Variants in TMEM201 observed in about 807,000 individuals in gnomAD.
TMEM201 encodes the protein transmembrane protein 201, also known as RP13-15M17.2.
TMEM201 carries 26 observed loss-of-function variants against 63.4 expected under a neutral mutation model. The observed-to-expected ratio is 0.41, with a 90% CI of 0.30 to 0.57. The LOEUF is 0.57. TMEM201 is among the 20% of genes least tolerant of loss of function. TMEM201 has a pLI of 0.29. For missense variants in TMEM201, 794 were observed against 917.7 expected, an observed-to-expected ratio of 0.87 and a Z score of 1.74; for synonymous variants, 417 against 421.6, an observed-to-expected ratio of 0.99 and a Z score of 0.14.
At chr1:9,591,145 C>T (rs1643911459) in intron 1 of TMEM201, among the ~76,000 whole-genome samples, 1 of 152,246 alleles carries the variant, frequency 6.6e-6, no homozygotes, top group Admixed American at 6.5e-5. Flanking sequence ...CTGGCTTCCC[C>T]ACGCATGGAG....
In TMEM201 at chr1:9,610,652, C is replaced by A; in HGVS notation, c.1612C>A (p.Gln538Lys). Reference sequence around the variant, plus strand: ...CCCTGCCCGGCTCAACCTGAAGGGACAGAAGCTGCTGCTGTTCCCGTCACC... The same window carrying A: ...CCCTGCCCGGCTCAACCTGAAGGGAAAGAAGCTGCTGCTGTTCCCGTCACC... ...ISPARLNLKG[Q>K]KLLLFPSPPG... The change falls in exon 9 of 11, where the codon CAG becomes AAG. Residue 538 changes from glutamine to lysine, a missense_variant. Transcript: ENST00000340381. The surrounding 1 kb of genome is among the most constrained non-coding windows in gnomAD (Gnocchi z 4.9). 1 of 1,550,676 alleles carries A rather than the reference C, an allele frequency of 6.4e-7. No homozygotes were observed. The highest frequency in any genetic ancestry group is 8.7e-7 in the Non-Finnish European group (1 of 1,146,914).
At chr1:9,609,792 C>A in intron 7 of TMEM201, 48 bp from the exon 8 acceptor site, 1 of 1,526,540 alleles carries the variant, frequency 6.6e-7, no homozygotes. Flanking sequence ...GGGGCCTCTG[C>A]ACGTCATCCA....
At chr1:9,595,066 G>A (rs1643992052) in intron 1 of TMEM201, among the ~76,000 whole-genome samples, 1 of 152,216 alleles carries the variant, frequency 6.6e-6, no homozygotes, top group Non-Finnish European at 1.5e-5. Context: ...TCCCACAGCT[G>A]CTGCCTGTCA....
In TMEM201 at chr1:9,604,983, TTTTC is replaced by T. The variant is rs1322758049; in HGVS notation, c.1161-2565_1161-2562del. ...CGTCAGGTGCCGCGTCTTTCTTCTT[TTTTC>T]TTTCTTTCAGAAGGGCTCTGTGCCA... is the stretch of plus-strand genomic sequence containing the variant. On this transcript the variant is annotated intron_variant, in intron 6 of 10. Transcript: ENST00000340381. The surrounding 1 kb of genome is among the most constrained non-coding windows in gnomAD (Gnocchi z 4.1). 4 of 985,606 alleles carry T rather than the reference TTTTC, an allele frequency of 4.1e-6. No homozygotes were observed. Among genetic ancestry groups the T allele is most frequent in the African/African-American group, 1.7e-5 (1 of 57,238 alleles). 61.1% of individuals were successfully genotyped at this position (985,606 alleles called of 1,614,324 possible).
At chr1:9,595,869 C>A in intron 1 of TMEM201, 21 bp from the exon 2 acceptor site, 3 of 1,612,116 alleles carry the variant, frequency 1.9e-6, no homozygotes, top group Non-Finnish European at 1.7e-6. Context: ...CAGGCCAACC[C>A]GCTCTTTCCT....
rs1644363804 is a variant in TMEM201 at position 9,614,436 on chromosome 1, C to G, written c.*1353C>G. On this transcript the variant is annotated 3_prime_UTR_variant, in exon 11 of 11. Coordinates refer to ENST00000340381, the MANE Select transcript of TMEM201 (RefSeq NM_001130924.3). ...AAGGAGCTTGCTCTGACGTCACCCT[C>G]CTCTCCCCTGACTCCTGTCCTGAGA... 1 of 151,764 alleles carries G rather than the reference C, an allele frequency of 6.6e-6. No homozygotes were observed. 9.4% of individuals were successfully genotyped at this position (151,764 alleles called of 1,614,324 possible). A position where few individuals can be genotyped will look rare whatever the true frequency, so the allele number is the denominator to read the frequency against.
chr1:9,608,428 T>G lies in TMEM201; in HGVS notation c.1393+639T>G, dbSNP rs906422167. On this transcript the variant is annotated intron_variant, in intron 7 of 10. Coordinates refer to ENST00000340381, the MANE Select transcript of TMEM201 (RefSeq NM_001130924.3). This position sits in a 1 kb window ranked among gnomAD's most constrained non-coding sequence, Gnocchi z 4.3. Reference sequence around the variant, plus strand: ...ACTCTAGTTATTCTAGGGGAGGAGATGCTGATAACAGCCAAGGCCCCTCTC... The same window carrying G: ...ACTCTAGTTATTCTAGGGGAGGAGAGGCTGATAACAGCCAAGGCCCCTCTC... Among the ~76,000 whole-genome samples, 2 of 152,192 alleles carry G rather than the reference T, an allele frequency of 1.3e-5. No individual in the cohort carries two copies. The highest frequency in any genetic ancestry group is 4.8e-5 in the African/African-American group (2 of 41,450).
intron 1 of TMEM201, among the ~76,000 whole-genome samples, chr1:9,589,313 G>T (rs1643881797): frequency 6.6e-6 from 1 of 152,136 alleles, no homozygotes. Flanking sequence ...GGGAGCCGCG[G>T]GGGGCTGGAG....
At chr1:9,591,256 C>T (rs992459752) in intron 1 of TMEM201, among the ~76,000 whole-genome samples, 6 of 152,252 alleles carry the variant, frequency 3.9e-5, no homozygotes, top group African/African-American at 1.4e-4. Flanking sequence ...CTACTGTTCT[C>T]CCATTTTACA....
Position 9,612,971 on chromosome 1 carries a change from G to A in TMEM201, c.1904-15G>A, listed in dbSNP as rs1162183039. The A allele has an allele frequency of 1.3e-6, 2 of 1,551,358 alleles. No homozygotes were observed. Among genetic ancestry groups the A allele is most frequent in the Admixed American group, 2.0e-5 (1 of 51,002 alleles). On this transcript the variant is annotated splice_polypyrimidine_tract_variant and intron_variant, in intron 10 of 10. Transcript: ENST00000340381. ...CCCACCCAAACAATGTTCTGACCAG[G>A]TCTCTGCTTTGCAGGTCGTTTCGGC...
At position 9,600,192 on chromosome 1, in the gene TMEM201, T is replaced by G. The variant is rs928622168; in HGVS notation, c.607-913T>G. On this transcript the variant is annotated intron_variant, in intron 4 of 10. Coordinates refer to ENST00000340381, the MANE Select transcript of TMEM201 (RefSeq NM_001130924.3). Reference sequence around the variant, plus strand: ...TCCTTGTAGGGGTAGATTTTACTACTTAACCTCCTTGCTACCATACCAGAT... The same window carrying G: ...TCCTTGTAGGGGTAGATTTTACTACGTAACCTCCTTGCTACCATACCAGAT... 4.6e-5 allele frequency among the ~76,000 whole-genome samples: 7 copies of G among 152,326 alleles called. 1 individual carries two copies. The East Asian group carries it at 1.4e-3, about 29-fold the overall frequency.
chr1:9,595,816 G>C, intron 1 of TMEM201, 74 bp from the exon 2 acceptor site: 1 of 1,597,204 alleles, frequency 6.3e-7, no homozygotes, highest in Non-Finnish European at 8.5e-7. Context: ...GTGGCCCTGG[G>C]GCAGGGCATG....
In TMEM201 at chr1:9,603,592, G is replaced by A. The variant is rs552885011; in HGVS notation, c.1160+1320G>A. The A allele has an allele frequency of 1.3e-5, 13 of 985,490 alleles. No homozygotes were observed. Among genetic ancestry groups the A allele is most frequent in the South Asian group, 4.7e-5 (1 of 21,284 alleles). The allele number at this position is 985,490 out of a possible 1,614,324, so 61.0% of individuals were successfully genotyped here. On this transcript the variant is annotated intron_variant, in intron 6 of 10. Transcript: ENST00000340381. The surrounding 1 kb of genome is among the most constrained non-coding windows in gnomAD (Gnocchi z 4.5). Reference sequence around the variant, plus strand: ...CCTCTCTCCTGTGCGTTGGAACCCCGGGGGAGGCAAGAGCAGATCACAGGT... The same window carrying A: ...CCTCTCTCCTGTGCGTTGGAACCCCAGGGGAGGCAAGAGCAGATCACAGGT...
chr1:9,594,704 C>T (rs768867200), intron 1 of TMEM201, among the ~76,000 whole-genome samples: 9 of 152,190 alleles, frequency 5.9e-5, no homozygotes, highest in Admixed American at 2.0e-4. Flanking sequence ...CTGGCCAGCC[C>T]GATGGGTTAG....
chr1:9,601,898 C>A (rs559301193), intron 5 of TMEM201, among the ~76,000 whole-genome samples, 171 bp from the exon 6 acceptor site: 3 of 152,308 alleles, frequency 2.0e-5, no homozygotes, highest in African/African-American at 7.2e-5. Flanking sequence ...CACTGACCCA[C>A]CTGCTCAGAG....
Position 9,610,949 on chromosome 1 carries a change from C to T in TMEM201, c.1765+144C>T. 2 of 1,509,490 alleles carry T rather than the reference C, an allele frequency of 1.3e-6. No homozygotes were observed. Among genetic ancestry groups the T allele is most frequent in the Admixed American group, 4.0e-5 (2 of 50,628 alleles). 93.5% of individuals were successfully genotyped at this position (1,509,490 alleles called of 1,614,324 possible). A position where few individuals can be genotyped will look rare whatever the true frequency, so the allele number is the denominator to read the frequency against. On this transcript the variant is annotated intron_variant, in intron 9 of 10. Coordinates refer to ENST00000340381, the MANE Select transcript of TMEM201 (RefSeq NM_001130924.3). This position sits in a 1 kb window ranked among gnomAD's most constrained non-coding sequence, Gnocchi z 4.9. ...TGGAGCTCTAGGCACCCCATTCCGG[C>T]TCTGGTGACTTGAACCCTCTGGGAC...
At position 9,610,866 on chromosome 1, in the gene TMEM201, C is replaced by T; in HGVS notation, c.1765+61C>T. On this transcript the variant is annotated intron_variant, in intron 9 of 10. Coordinates refer to ENST00000340381, the MANE Select transcript of TMEM201 (RefSeq NM_001130924.3). This position sits in a 1 kb window ranked among gnomAD's most constrained non-coding sequence, Gnocchi z 4.9. Reference sequence around the variant, plus strand: ...GGGCCTCTGCTGCCAAGAGGCCTGGCTGTGCGGCGGTGGGGGGGCTCATCC... The same window carrying T: ...GGGCCTCTGCTGCCAAGAGGCCTGGTTGTGCGGCGGTGGGGGGGCTCATCC... 3.3e-6 allele frequency: 5 copies of T among 1,495,398 alleles called. No homozygotes were observed. The highest frequency in any genetic ancestry group is 2.7e-6 in the Non-Finnish European group (3 of 1,118,314). 92.6% of individuals were successfully genotyped at this position (1,495,398 alleles called of 1,614,324 possible).
chr1:9,596,336 T>C (rs548094641), intron 2 of TMEM201, among the ~76,000 whole-genome samples: 3 of 152,360 alleles, frequency 2.0e-5, no homozygotes, highest in East Asian at 1.9e-4. Context: ...CTCTGTACTA[T>C]ATCAGGGCTA....
In TMEM201 at chr1:9,605,455, G is replaced by GC. The variant is rs199833994; in HGVS notation, c.1161-2102_1161-2101insC. On this transcript the variant is annotated intron_variant, in intron 6 of 10. Coordinates refer to ENST00000340381, the MANE Select transcript of TMEM201 (RefSeq NM_001130924.3). This position sits in a 1 kb window ranked among gnomAD's most constrained non-coding sequence, Gnocchi z 5.7. ...GTGGTTTGAGGGCACAGGGCAGTCG[G>GC]GGGGGGTCTCTCGCCAAAGGAAATG... is the stretch of plus-strand genomic sequence containing the variant. Among the ~76,000 whole-genome samples the GC allele has an allele frequency of 0.012, 1,752 of 152,278 alleles. 30 individuals carry two copies. The highest frequency in any genetic ancestry group is 0.039 in the African/African-American group (1,635 of 41,560).
Sources: gnomAD v4.1 joint callset for allele counts (sites outside exome capture counted in the v4.1 genomes callset) on GRCh38, gnomAD v4.1.1 for gene constraint, Gnocchi (gnomAD v3.1) non-coding constraint, MANE v1.5 for transcripts, NCBI Gene and HGNC (gene_info 2026-07-23, HGNC 2026-07-21) for gene names.